Variants in BMPER observed in about 807,000 individuals in gnomAD.
BMPER encodes the protein BMP-binding endothelial regulator protein.
Under a neutral mutation model 87.3 loss-of-function variants are expected in BMPER, and 45 were observed. The observed-to-expected ratio is 0.52, with a 90% CI of 0.41 to 0.66. BMPER has a LOEUF of 0.66. Among genes scored for constraint, BMPER ranks in the 30% least tolerant of loss-of-function variants. The pLI, the probability that BMPER is intolerant of heterozygous loss-of-function variation, is 0.00. For missense variants in BMPER, 784 were observed against 867.5 expected (o/e 0.90, Z 1.21); for synonymous variants, 326 against 316.2 (o/e 1.03, Z -0.33).
At chr7:33,991,706 G>A (rs1381678600) in intron 6 of BMPER, among the ~76,000 whole-genome samples, 2 of 151,070 alleles carry the variant, frequency 1.3e-5, no homozygotes, top group African/African-American at 2.4e-5. Flanking sequence ...TAATTGTGAT[G>A]TTAGGGTGTC....
At position 34,119,014 on chromosome 7, in the gene BMPER, T is replaced by TCACACACACACACACACACACACA. The variant is rs138792693; in HGVS notation, c.1746-24193_1746-24192insACACACACACACACACACACACAC. On this transcript the variant is annotated intron_variant, in intron 13 of 14. Coordinates refer to ENST00000649409, the MANE Select transcript of BMPER (RefSeq NM_001365308.1). ...CTCTCACTGTCTCTCTCTCTCTCTC[T>TCACACACACACACACACACACACA]CACACACACACACACACACACACGC... is the stretch of plus-strand genomic sequence containing the variant. 6.5e-4 allele frequency among the ~76,000 whole-genome samples: 88 copies of TCACACACACACACACACACACACA among 135,770 alleles called. No homozygotes were observed. In the Middle Eastern group the frequency reaches 0.014, roughly 22 times the overall value. The allele number at this position is 135,770 out of a possible 152,430, so 89.1% of individuals were successfully genotyped here. A position where few individuals can be genotyped will look rare whatever the true frequency, so the allele number is the denominator to read the frequency against.
chr7:34,104,194 A>G (rs1294521771), intron 13 of BMPER, among the ~76,000 whole-genome samples: 1 of 152,194 alleles, frequency 6.6e-6, no homozygotes, highest in Non-Finnish European at 1.5e-5. Flanking sequence ...GCGAAAATTG[A>G]TGAGTCGTCC....
intron 2 of BMPER, among the ~76,000 whole-genome samples, chr7:33,910,645 C>A (rs1388684378): frequency 6.6e-6 from 1 of 152,188 alleles, no homozygotes; most frequent in Non-Finnish European, 1.5e-5. Context: ...TCTTTAAAAT[C>A]CAGAGGTGCA....
At chr7:34,024,376 AAAAAAACAATATATATATATAT>A (rs1787287348) in intron 6 of BMPER, among the ~76,000 whole-genome samples, 1 of 97,274 alleles carries the variant, frequency 1.0e-5, no homozygotes, top group African/African-American at 5.2e-5. Context: ...AAAAAAAAAA[AAAAAAACAATATATATATATAT>A]ATATATATAT....
Position 34,154,627 on chromosome 7 carries a change from T to G in BMPER, c.*1354T>G, listed in dbSNP as rs1311295135. On this transcript the variant is annotated 3_prime_UTR_variant, in exon 15 of 15. Transcript: ENST00000649409. ...TTACAACAGTATATATAAAGACTAT[T>G]ATTAATAGACAAAAGCAAACCCACG... 1.3e-5 allele frequency: 2 copies of G among 152,238 alleles called. No individual in the cohort carries two copies. Among genetic ancestry groups the G allele is most frequent in the Non-Finnish European group, 2.9e-5 (2 of 68,032 alleles). The allele number at this position is 152,238 out of a possible 1,614,324, so 9.4% of individuals were successfully genotyped here.
chr7:34,074,285 C>A (rs891825239), intron 11 of BMPER, among the ~76,000 whole-genome samples: 1 of 152,190 alleles, frequency 6.6e-6, no homozygotes, highest in Admixed American at 6.5e-5. Context: ...ATTTAAGAGG[C>A]CAAGGAAGGC....
chr7:34,034,347 T>C (rs1013675837), intron 6 of BMPER, among the ~76,000 whole-genome samples: 3 of 152,184 alleles, frequency 2.0e-5, no homozygotes, highest in Admixed American at 6.5e-5. Flanking sequence ...CATCTTTCAG[T>C]AGGAAGATGG....
chr7:33,974,680 T>G (rs765155940), intron 5 of BMPER, 22 bp from the exon 6 acceptor site: 1 of 1,611,588 alleles, frequency 6.2e-7, no homozygotes, highest in South Asian at 1.1e-5. Flanking sequence ...GCCCTAATTC[T>G]AAACTCTTGT....
intron 11 of BMPER, 86 bp downstream of exon 11, chr7:34,062,133 A>G: frequency 7.9e-7 from 1 of 1,265,004 alleles, no homozygotes; most frequent in South Asian, 1.2e-5. Context: ...TATGTTTCCC[A>G]CACATTTTAT....
rs181643884 is a variant in BMPER, at chr7:33,962,768, A to G, written c.320-3711A>G. ...GCTTTTTGTCACTAGAAGAAAACTA[A>G]TGAATGTTTATAAATCCCTTGTAGG... On this transcript the variant is annotated intron_variant, in intron 3 of 14. Coordinates refer to ENST00000649409, the MANE Select transcript of BMPER (RefSeq NM_001365308.1). Among the ~76,000 whole-genome samples the G allele has an allele frequency of 5.7e-3, 873 of 152,292 alleles. 7 individuals carry two copies. The highest frequency in any genetic ancestry group is 9.4e-3 in the Non-Finnish European group (642 of 68,008).
chr7:34,115,064 TG>T (rs1296377209), intron 13 of BMPER, among the ~76,000 whole-genome samples: 2 of 152,108 alleles, frequency 1.3e-5, no homozygotes, highest in African/African-American at 4.8e-5. Context: ...TACTCAAGAG[TG>T]AATTAAGTGC....
Position 34,016,144 on chromosome 7 carries a change from T to C in BMPER, c.577-30162T>C, listed in dbSNP as rs138415666. Among the ~76,000 whole-genome samples the C allele has an allele frequency of 1.1e-4, 17 of 152,044 alleles. No individual in the cohort carries two copies. The East Asian group carries it at 3.3e-3, about 30-fold the overall frequency. ...TGCTGATGAAAACTTTTGGGTGGCA[T>C]TTATCATTTATCCCACGTATATTTT... is the stretch of plus-strand genomic sequence containing the variant. On this transcript the variant is annotated intron_variant, in intron 6 of 14. Transcript: ENST00000649409.
chr7:34,045,605 C>T (rs1787941449), intron 6 of BMPER, among the ~76,000 whole-genome samples: 1 of 152,194 alleles, frequency 6.6e-6, no homozygotes, highest in Non-Finnish European at 1.5e-5. Context: ...CGTCTCATAT[C>T]AATCTTTATA....
At position 34,045,046 on chromosome 7, in the gene BMPER, G is replaced by A. The variant is rs114279515; in HGVS notation, c.577-1260G>A. Among the ~76,000 whole-genome samples, 1,171 of 152,214 alleles carry A rather than the reference G, an allele frequency of 7.7e-3. 18 individuals are homozygous for A. Among genetic ancestry groups the A allele is most frequent in the African/African-American group, 0.027 (1,122 of 41,546 alleles). On this transcript the variant is annotated intron_variant, in intron 6 of 14. Transcript: ENST00000649409. ...TGTGGGGTCCACAGCTCTTTGAGCT[G>A]TGAGTTTCTCATTTCCTGAGGCCTC...
intron 6 of BMPER, among the ~76,000 whole-genome samples, chr7:34,032,507 A>T (rs1787556339): frequency 6.6e-6 from 1 of 152,154 alleles, no homozygotes. Flanking sequence ...CTTCAAGAGT[A>T]TTTTGATGCA....
chr7:33,936,297 TGGTAG>T (rs1418830453), intron 2 of BMPER, among the ~76,000 whole-genome samples: 1 of 152,188 alleles, frequency 6.6e-6, no homozygotes, highest in Non-Finnish European at 1.5e-5. Flanking sequence ...GATGAGGCAC[TGGTAG>T]TGCTTGCTGT....
At chr7:33,909,340 G>A (rs1350535873) in intron 2 of BMPER, among the ~76,000 whole-genome samples, 1 of 152,158 alleles carries the variant, frequency 6.6e-6, no homozygotes, top group Admixed American at 6.5e-5. Flanking sequence ...AGTTAAAGAT[G>A]TGAGAAAGTA....
chr7:33,958,363 G>T (rs1451935065), intron 3 of BMPER, among the ~76,000 whole-genome samples: 1 of 152,136 alleles, frequency 6.6e-6, no homozygotes, highest in African/African-American at 2.4e-5. Flanking sequence ...CTCATTATTT[G>T]TTGCTTCCTA....
chr7:33,950,779 A>T (rs981685405), intron 3 of BMPER, among the ~76,000 whole-genome samples: 1 of 152,174 alleles, frequency 6.6e-6, no homozygotes, highest in African/African-American at 2.4e-5. Context: ...TGCACAAAGT[A>T]GGTGTATCAG....
Sources: allele counts gnomAD v4.1 joint callset (sites outside exome capture counted in the v4.1 genomes callset), GRCh38; gene constraint gnomAD v4.1.1; transcripts MANE v1.5; gene names NCBI Gene and HGNC (gene_info 2026-07-23, HGNC 2026-07-21).